The following BACE2 variants were observed in gnomAD, a reference collection of about 807,000 sequenced individuals.
BACE2 encodes the protein beta-secretase 2.
BACE2 carries 17 observed loss-of-function variants against 46.2 expected under a neutral mutation model. The ratio of observed to expected loss-of-function variants is 0.37; its 90% CI spans 0.25 to 0.55. The LOEUF is 0.55. Ranked by LOEUF, BACE2 falls within the 20% of genes least tolerant of loss-of-function variation. The pLI is 0.82. For missense variants in BACE2, 595 were observed against 698.1 expected (o/e 0.85, Z 1.66); for synonymous variants, 277 against 295.9 (o/e 0.94, Z 0.66).
chr21:41,189,740 A>T (rs752892415), intron 1 of BACE2, among the ~76,000 whole-genome samples: 2 of 152,230 alleles, frequency 1.3e-5, no homozygotes, highest in African/African-American at 4.8e-5. Flanking sequence ...TTGTTTTATT[A>T]GTCAGGGTTC....
chr21:41,177,541 G>T (rs935321144), intron 1 of BACE2: 1 of 152,204 alleles, frequency 6.6e-6, no homozygotes, highest in African/African-American at 2.4e-5. Flanking sequence ...GGGCACACAA[G>T]ATGTTTGCCC....
intron 1 of BACE2, among the ~76,000 whole-genome samples, chr21:41,202,895 G>C (rs1986006405): frequency 6.6e-6 from 1 of 152,138 alleles, no homozygotes. Flanking sequence ...CAGTGATCAG[G>C]CAGGACAAAA....
At chr21:41,182,606 G>C (rs1985178096) in intron 1 of BACE2, 1 of 167,056 alleles carries the variant, frequency 6.0e-6, no homozygotes, top group Admixed American at 6.5e-5. Context: ...AGACAAATCA[G>C]TTTTACAACC....
intron 8 of BACE2, among the ~76,000 whole-genome samples, chr21:41,257,965 A>G (rs1987836067): frequency 6.6e-6 from 1 of 152,192 alleles, no homozygotes; most frequent in Non-Finnish European, 1.5e-5. Flanking sequence ...GAGTGCTCAC[A>G]CCACACACGG....
chr21:41,218,880 T>TG (rs535086227), intron 1 of BACE2, among the ~76,000 whole-genome samples: 6 of 151,984 alleles, frequency 3.9e-5, no homozygotes, highest in African/African-American at 1.4e-4. Context: ...TTTTTTTTTT[T>TG]TGTGACAGAG....
At chr21:41,188,512 C>A (rs1985455409) in intron 1 of BACE2, among the ~76,000 whole-genome samples, 1 of 152,092 alleles carries the variant, frequency 6.6e-6, no homozygotes. Flanking sequence ...GGAAGTCATG[C>A]CTGTGTCTAG....
intron 1 of BACE2, chr21:41,182,120 C>T (rs1298953612): frequency 6.0e-6 from 1 of 167,090 alleles, no homozygotes; most frequent in Non-Finnish European, 1.5e-5. Flanking sequence ...AAGATCAATG[C>T]TCCTATTCCC....
At chr21:41,173,253 A>G (rs1984668813) in intron 1 of BACE2, among the ~76,000 whole-genome samples, 1 of 152,176 alleles carries the variant, frequency 6.6e-6, no homozygotes, top group Non-Finnish European at 1.5e-5. Flanking sequence ...AATTGTTAAT[A>G]ATTTCAATTT....
intron 1 of BACE2, chr21:41,183,162 A>G (rs1985207578): frequency 6.0e-6 from 1 of 166,296 alleles, no homozygotes; most frequent in African/African-American, 2.4e-5. Context: ...TTCACTTTTA[A>G]CTTTATCTAG....
At chr21:41,247,037 G>A (rs569805696) in intron 6 of BACE2, among the ~76,000 whole-genome samples, 1 of 152,274 alleles carries the variant, frequency 6.6e-6, no homozygotes, top group Non-Finnish European at 1.5e-5. Context: ...TTGTGAGATC[G>A]TCAGAAAGTG....
chr21:41,266,711 G>GCCTACTT (rs369259964), intron 8 of BACE2, among the ~76,000 whole-genome samples: 2 of 152,344 alleles, frequency 1.3e-5, no homozygotes, highest in Non-Finnish European at 2.9e-5. Flanking sequence ...TGACCCCAGT[G>GCCTACTT]CCTACTTCCT....
chr21:41,215,062 G>A (rs752833415), intron 1 of BACE2, among the ~76,000 whole-genome samples: 20 of 152,294 alleles, frequency 1.3e-4, no homozygotes, highest in Non-Finnish European at 2.4e-4. Context: ...GGAGAGCTCA[G>A]AGATGACCGT....
At chr21:41,200,095 T>A (rs531246474) in intron 1 of BACE2, among the ~76,000 whole-genome samples, 2 of 150,744 alleles carry the variant, frequency 1.3e-5, no homozygotes, top group African/African-American at 4.9e-5. Flanking sequence ...TGTCAAATGA[T>A]GAGTTGATGG....
At position 41,278,610 on chromosome 21, in the gene BACE2, T is replaced by C. The variant is rs1048515290; in HGVS notation, c.*2986T>C. The C allele has an allele frequency of 6.6e-6, 1 of 152,164 alleles. No homozygotes were observed. Among genetic ancestry groups the C allele is most frequent in the Non-Finnish European group, 1.5e-5 (1 of 68,028 alleles). 9.4% of individuals were successfully genotyped at this position (152,164 alleles called of 1,614,324 possible). ...CAGTTACTGTTCAAAATTGTGAAAG[T>C]AGTTCCCAGGAAGACAGCATTAGTG... is the stretch of plus-strand genomic sequence containing the variant. On this transcript the variant is annotated 3_prime_UTR_variant, in exon 9 of 9. Coordinates refer to ENST00000330333, the MANE Select transcript of BACE2 (RefSeq NM_012105.5).
At chr21:41,217,211 G>A (rs976017408) in intron 1 of BACE2, among the ~76,000 whole-genome samples, 1 of 152,244 alleles carries the variant, frequency 6.6e-6, no homozygotes, top group Non-Finnish European at 1.5e-5. Context: ...TTACAGGCGT[G>A]AGCCACTGCG....
intron 1 of BACE2, among the ~76,000 whole-genome samples, chr21:41,200,825 C>G: frequency 6.6e-6 from 1 of 152,180 alleles, no homozygotes; most frequent in Non-Finnish European, 1.5e-5. Context: ...AGCCACCTGC[C>G]CACACCTTGA....
chr21:41,212,898 C>T (rs1352167965), intron 1 of BACE2, among the ~76,000 whole-genome samples: 1 of 152,234 alleles, frequency 6.6e-6, no homozygotes, highest in Non-Finnish European at 1.5e-5. Context: ...TATATAGCAG[C>T]TGGGAAGTTG....
intron 3 of BACE2, among the ~76,000 whole-genome samples, chr21:41,238,943 T>A: frequency 8.2e-6 from 1 of 122,032 alleles, no homozygotes. Flanking sequence ...CCCTAAAACT[T>A]AAAGTATAAT....
chr21:41,226,181 A>T (rs1190800905), intron 1 of BACE2, 85 bp from the exon 2 acceptor site: 1 of 994,230 alleles, frequency 1.0e-6, no homozygotes, highest in Non-Finnish European at 1.5e-6. Flanking sequence ...CTTGCTACTT[A>T]GTTTTAAAAA....
Sources: allele counts gnomAD v4.1 joint callset (sites outside exome capture counted in the v4.1 genomes callset), GRCh38; gene constraint gnomAD v4.1.1; transcripts MANE v1.5; gene names NCBI Gene and HGNC (gene_info 2026-07-23, HGNC 2026-07-21).